LRRK1: variants seen among roughly 807,000 people sequenced by gnomAD.
LRRK1 encodes the protein leucine rich repeat kinase 1.
LRRK1 carries 113 observed loss-of-function variants against 209.1 expected under a neutral mutation model. The ratio of observed to expected loss-of-function variants is 0.54; its 90% confidence interval spans 0.46 to 0.63. The LOEUF is 0.63. LRRK1 is among the 30% of genes least tolerant of loss of function. The probability of loss-of-function intolerance (pLI) is 0.00; values close to 1 mark genes in which losing one functional copy is unlikely to be tolerated. For missense variants in LRRK1, 2,284 were observed against 2,632.2 expected (o/e 0.87, Z 2.89); for synonymous variants, 1,144 against 1,099.7 (o/e 1.04, Z -0.80).
intron 6 of LRRK1, among the ~76,000 whole-genome samples, chr15:100,999,492 T>C (rs1194551268): frequency 6.6e-6 from 1 of 152,202 alleles, no homozygotes; most frequent in Admixed American, 6.5e-5. Flanking sequence ...TGAGTTTAGT[T>C]GTAGCTGATT....
intron 12 of LRRK1, among the ~76,000 whole-genome samples, chr15:101,016,763 T>C (rs186684668): frequency 1.3e-5 from 2 of 152,296 alleles, no homozygotes; most frequent in East Asian, 3.9e-4. Flanking sequence ...TACGTGCTGT[T>C]AAGTCTCTAC....
chr15:101,017,115 A>G (rs1428541497), intron 12 of LRRK1, among the ~76,000 whole-genome samples: 2 of 152,240 alleles, frequency 1.3e-5, no homozygotes, highest in Non-Finnish European at 2.9e-5. Flanking sequence ...GCTGGCCCAG[A>G]AAACCAGAAC....
rs1377840329 is a variant in LRRK1 at position 100,973,819 on chromosome 15, G to A, written c.113G>A (p.Gly38Asp). ...METLNGAGDT[G>D]GKPSTRGGDP... is the part of the protein sequence containing the mutation. ...TCCCGCGCAGGTGCCGGGGACACGGGCGGCAAGCCGTCCACGCGGGGCGGT... is the reference window on the plus strand; with the variant it reads ...TCCCGCGCAGGTGCCGGGGACACGGACGGCAAGCCGTCCACGCGGGGCGGT... Residue 38 changes from glycine (G) to aspartate (D), a missense_variant, in exon 3 of 34, where the codon GGC becomes GAC. Physicochemically the swap from Gly to Asp is moderately conservative, Grantham distance 94. Around this residue, in one of 6 missense-constraint regions of LRRK1, gnomAD observed 174 missense variants for 133.5 expected, o/e 1.30. Coordinates refer to ENST00000388948, the MANE Select transcript of LRRK1 (RefSeq NM_024652.6). 1.1e-5 allele frequency: 14 copies of A among 1,292,486 alleles called. No individual in the cohort carries two copies. Among genetic ancestry groups the A allele is most frequent in the African/African-American group, 1.5e-5 (1 of 64,812 alleles). The allele number at this position is 1,292,486 out of a possible 1,614,324, so 80.1% of individuals were successfully genotyped here. A position where few individuals can be genotyped will look rare whatever the true frequency, so the allele number is the denominator to read the frequency against.
chr15:101,051,470 A>C (rs904446917), intron 23 of LRRK1, among the ~76,000 whole-genome samples: 2 of 152,096 alleles, frequency 1.3e-5, no homozygotes, highest in African/African-American at 4.8e-5. Flanking sequence ...TGTCCCGACC[A>C]CTGGACAGTT....
At chr15:100,982,648 G>A (rs1323677027) in intron 3 of LRRK1, among the ~76,000 whole-genome samples, 1 of 152,134 alleles carries the variant, frequency 6.6e-6, no homozygotes, top group Non-Finnish European at 1.5e-5. Context: ...GAGGATCTTT[G>A]TCCCAGGATT....
intron 6 of LRRK1, among the ~76,000 whole-genome samples, chr15:101,001,457 G>A (rs1309811232): frequency 6.6e-6 from 1 of 152,136 alleles, no homozygotes; most frequent in Non-Finnish European, 1.5e-5. Flanking sequence ...GCCTTTGAGT[G>A]AGTCTCCCCA....
At chr15:101,012,180 C>G in intron 10 of LRRK1, 35 bp downstream of exon 10, 2 of 1,561,870 alleles carry the variant, frequency 1.3e-6, no homozygotes, top group Non-Finnish European at 1.7e-6. Context: ...TCATTTTCGG[C>G]TTTTGAGAGA....
At chr15:100,974,552 G>A (rs1394760206) in intron 3 of LRRK1, among the ~76,000 whole-genome samples, 2 of 152,176 alleles carry the variant, frequency 1.3e-5, no homozygotes, top group African/African-American at 2.4e-5. Flanking sequence ...AAAATTCCTT[G>A]TAGGCGTCTC....
At chr15:100,969,895 CT>C (rs34667721) in intron 2 of LRRK1, among the ~76,000 whole-genome samples, 82 of 148,538 alleles carry the variant, frequency 5.5e-4, no homozygotes, top group Non-Finnish European at 8.5e-4. Context: ...CTTTTTTCTT[CT>C]TTTTTTTTTG....
At chr15:100,944,848 G>A (rs1042576882) in intron 2 of LRRK1, among the ~76,000 whole-genome samples, 5 of 152,126 alleles carry the variant, frequency 3.3e-5, no homozygotes, top group Non-Finnish European at 4.4e-5. Context: ...CATAAGTATC[G>A]ATCTACAATC....
At chr15:101,063,957 G>C (rs1187375271) in intron 31 of LRRK1, among the ~76,000 whole-genome samples, 1 of 152,184 alleles carries the variant, frequency 6.6e-6, no homozygotes, top group Non-Finnish European at 1.5e-5. Flanking sequence ...GCTGGCGAGA[G>C]CCCCCAGCCA....
intron 12 of LRRK1, among the ~76,000 whole-genome samples, chr15:101,018,178 TAAAA>T (rs34360209): frequency 1.6e-5 from 2 of 126,610 alleles, no homozygotes; most frequent in Non-Finnish European, 3.3e-5. Context: ...CAAATTGATT[TAAAA>T]AAAAAAAAAA....
chr15:100,960,211 A>G (rs1268664933), intron 2 of LRRK1, among the ~76,000 whole-genome samples: 2 of 149,534 alleles, frequency 1.3e-5, no homozygotes, highest in African/African-American at 4.9e-5. Flanking sequence ...TGTGCATTAT[A>G]ATTGTCAAAA....
At chr15:100,972,361 AGAGTGTGTGTGTGTGTGTGTGTGT>A (rs2030967580) in intron 2 of LRRK1, among the ~76,000 whole-genome samples, 1 of 84,018 alleles carries the variant, frequency 1.2e-5, no homozygotes, top group African/African-American at 5.6e-5. Flanking sequence ...AGAGAGAGAG[AGAGTGTGTGTGTGTGTGTGTGTGT>A]GTGTGTGTGT....
At chr15:101,066,296 C>T (rs997670345) in intron 32 of LRRK1, 91 bp downstream of exon 32, 31 of 1,473,780 alleles carry the variant, frequency 2.1e-5, no homozygotes, top group Admixed American at 4.4e-5. Flanking sequence ...GGCTTCCTTA[C>T]AGGTCATGTG....
intron 2 of LRRK1, among the ~76,000 whole-genome samples, chr15:100,942,211 C>T (rs1038629717): frequency 7.9e-5 from 12 of 152,130 alleles, no homozygotes; most frequent in African/African-American, 2.2e-4. Flanking sequence ...GCTCTACAGT[C>T]GGAAGGAACC....
intron 6 of LRRK1, among the ~76,000 whole-genome samples, chr15:101,004,597 G>T: frequency 6.6e-6 from 1 of 152,218 alleles, no homozygotes; most frequent in South Asian, 2.1e-4. Context: ...AGAAATGTGG[G>T]CTGAGTCAGT....
intron 20 of LRRK1, among the ~76,000 whole-genome samples, chr15:101,030,083 C>G (rs2034215483): frequency 6.6e-6 from 1 of 152,146 alleles, no homozygotes; most frequent in Non-Finnish European, 1.5e-5. Flanking sequence ...ATACCCAGGT[C>G]TCCCCAGTCC....
At position 100,919,460 on chromosome 15, in the gene LRRK1, C is replaced by A. The variant is rs1347913747; in HGVS notation, c.-123+9C>A. 2 of 148,006 alleles carry A rather than the reference C, an allele frequency of 1.4e-5. No homozygotes were observed. The highest frequency in any genetic ancestry group is 1.8e-4 in the South Asian group (1 of 5,570). 9.2% of individuals were successfully genotyped at this position (148,006 alleles called of 1,614,324 possible). ...CCCCGCCGCCGCCTCAGGTAAGCGC[C>A]GCTCCTGCCGGCGCCCCCCGGCGGC... On this transcript the variant is annotated intron_variant, in intron 1 of 33. Transcript: ENST00000388948. This position sits in a 1 kb window ranked among gnomAD's most constrained non-coding sequence, Gnocchi z 5.8.
Sources: gnomAD v4.1 joint callset for allele counts (sites outside exome capture counted in the v4.1 genomes callset) on GRCh38, gnomAD v4.1.1 for gene constraint, gnomAD v4.1.1 regional missense constraint, Gnocchi (gnomAD v3.1) non-coding constraint, MANE v1.5 for transcripts, NCBI Gene and HGNC (gene_info 2026-07-23, HGNC 2026-07-21) for gene names.